PHACTR1: variants seen among roughly 807,000 people sequenced by gnomAD.
PHACTR1 encodes RPEL repeat containing 1.
Under a neutral mutation model 69.2 loss-of-function variants are expected in PHACTR1, and 16 were observed. The observed-to-expected ratio is 0.23, with a 90% CI of 0.16 to 0.35. The LOEUF (loss-of-function observed/expected upper bound fraction) is 0.35, where lower values mean the gene tolerates loss of function less well. Among genes scored for constraint, PHACTR1 ranks in the 10% least tolerant of loss-of-function variants. PHACTR1 has a pLI of 1.00. For synonymous variants in PHACTR1, 312 were observed against 284.5 expected (o/e 1.10, Z -0.97); for missense variants, 510 against 734.7 (o/e 0.69, Z 3.54).
chr6:12,883,038 TG>T (rs1783251522), intron 4 of PHACTR1, among the ~76,000 whole-genome samples: 1 of 152,120 alleles, frequency 6.6e-6, no homozygotes, highest in Admixed American at 6.5e-5. Flanking sequence ...GCTGCTGCCC[TG>T]GGGGAAGTAA....
chr6:12,853,881 A>G (rs1780069122), intron 4 of PHACTR1, among the ~76,000 whole-genome samples: 1 of 152,230 alleles, frequency 6.6e-6, no homozygotes, highest in Admixed American at 6.5e-5. Context: ...GCCAAACTGT[A>G]TCAGAGGGCT....
chr6:13,048,560 G>A (rs1426590262), intron 4 of PHACTR1, among the ~76,000 whole-genome samples: 1 of 151,294 alleles, frequency 6.6e-6, no homozygotes, highest in Non-Finnish European at 1.5e-5. Context: ...GTGTGATGGA[G>A]TTTCACTTTT....
intron 4 of PHACTR1, among the ~76,000 whole-genome samples, chr6:13,000,614 GAGGA>G (rs796923836): frequency 1.9e-3 from 193 of 103,760 alleles, no homozygotes; most frequent in Middle Eastern, 0.011. Context: ...GGAGGGAAGG[GAGGA>G]AGGAAGGAAG....
intron 14 of PHACTR1, among the ~76,000 whole-genome samples, chr6:13,286,469 A>T (rs1473272490): frequency 1.3e-5 from 2 of 152,242 alleles, no homozygotes; most frequent in Admixed American, 6.5e-5. Flanking sequence ...AGGTCTGATA[A>T]GCACCAGACT....
chr6:13,210,124 C>T (rs1033109457), intron 8 of PHACTR1, among the ~76,000 whole-genome samples: 2 of 152,204 alleles, frequency 1.3e-5, no homozygotes, highest in Non-Finnish European at 2.9e-5. Flanking sequence ...TCTCCCACCT[C>T]AGCCTCCTGA....
At chr6:13,087,567 A>C (rs757299175) in intron 5 of PHACTR1, among the ~76,000 whole-genome samples, 2 of 152,134 alleles carry the variant, frequency 1.3e-5, no homozygotes, top group African/African-American at 2.4e-5. Flanking sequence ...ATTATCTCAA[A>C]AGAAGAAAAA....
intron 10 of PHACTR1, among the ~76,000 whole-genome samples, chr6:13,243,025 G>A (rs769741566): frequency 2.0e-5 from 3 of 152,192 alleles, no homozygotes; most frequent in African/African-American, 4.8e-5. Context: ...TGAAGAAGGC[G>A]CAGATCTCTC....
At chr6:12,788,437 A>T (rs1044048301) in intron 4 of PHACTR1, among the ~76,000 whole-genome samples, 1 of 152,194 alleles carries the variant, frequency 6.6e-6, no homozygotes, top group African/African-American at 2.4e-5. Flanking sequence ...CTCATAGGTG[A>T]TGGAGAGGAA....
intron 4 of PHACTR1, among the ~76,000 whole-genome samples, chr6:12,977,001 T>A (rs1794961598): frequency 6.6e-6 from 1 of 152,254 alleles, no homozygotes; most frequent in African/African-American, 2.4e-5. Flanking sequence ...AGTCTCGCTC[T>A]GTTGCTCAGG....
intron 10 of PHACTR1, among the ~76,000 whole-genome samples, chr6:13,258,186 C>G (rs1191714914): frequency 6.6e-6 from 1 of 151,990 alleles, no homozygotes; most frequent in East Asian, 1.9e-4. Flanking sequence ...GATGAAACCC[C>G]GTCTCTACTA....
At chr6:12,788,577 G>T (rs1313265196) in intron 4 of PHACTR1, among the ~76,000 whole-genome samples, 1 of 152,164 alleles carries the variant, frequency 6.6e-6, no homozygotes, top group Non-Finnish European at 1.5e-5. Context: ...TTTTGCAATA[G>T]TTGTTATTAT....
At chr6:13,210,772 G>C (rs1191413033) in intron 8 of PHACTR1, among the ~76,000 whole-genome samples, 1 of 152,160 alleles carries the variant, frequency 6.6e-6, no homozygotes, top group Non-Finnish European at 1.5e-5. Flanking sequence ...ACATTAGCCA[G>C]CATGGAAAAT....
At chr6:12,755,462 TATAG>T (rs767628315) in intron 4 of PHACTR1, among the ~76,000 whole-genome samples, 2 of 152,228 alleles carry the variant, frequency 1.3e-5, no homozygotes, top group Non-Finnish European at 2.9e-5. Context: ...CACCTGATTT[TATAG>T]ATAGTCTTAT....
chr6:13,281,127 T>C (rs930477373), intron 12 of PHACTR1: 2 of 1,288,956 alleles, frequency 1.6e-6, no homozygotes, highest in Admixed American at 2.3e-5. Context: ...CCTGCAGCAT[T>C]TATGCTTAGT....
At chr6:13,118,651 GT>G (rs1818189703) in intron 5 of PHACTR1, among the ~76,000 whole-genome samples, 2 of 151,842 alleles carry the variant, frequency 1.3e-5, no homozygotes, top group South Asian at 4.2e-4. Flanking sequence ...GCTAATTTTT[GT>G]ATTTTTAGTA....
At chr6:13,241,975 A>G (rs1484090938) in intron 10 of PHACTR1, among the ~76,000 whole-genome samples, 2 of 150,326 alleles carry the variant, frequency 1.3e-5, no homozygotes, top group South Asian at 2.1e-4. Flanking sequence ...GGAGGTTGCA[A>G]TGAGCTGAGT....
At chr6:12,765,677 C>T in intron 4 of PHACTR1, among the ~76,000 whole-genome samples, 1 of 152,176 alleles carries the variant, frequency 6.6e-6, no homozygotes, top group East Asian at 1.9e-4. Context: ...TTTCTGTTTC[C>T]ACTCCTTCAG....
At chr6:13,269,627 T>TC (rs1244717285) in intron 10 of PHACTR1, among the ~76,000 whole-genome samples, 1 of 151,988 alleles carries the variant, frequency 6.6e-6, no homozygotes, top group Non-Finnish European at 1.5e-5. Context: ...GGTCAGGAGT[T>TC]CAAGACCAGC....
At chr6:13,103,406 C>T (rs1815506881) in intron 5 of PHACTR1, among the ~76,000 whole-genome samples, 1 of 152,128 alleles carries the variant, frequency 6.6e-6, no homozygotes, top group East Asian at 1.9e-4. Context: ...TTTGCAAATA[C>T]TTTCTGTAGT....
Sources: allele counts gnomAD v4.1 joint callset (sites outside exome capture counted in the v4.1 genomes callset), GRCh38; gene constraint gnomAD v4.1.1; transcripts MANE v1.5; gene names NCBI Gene and HGNC (gene_info 2026-07-23, HGNC 2026-07-21).